PIEZO2: variants seen among roughly 807,000 people sequenced by gnomAD.
The protein encoded by PIEZO2 is piezo type mechanosensitive ion channel component 2.
In PIEZO2, 172 loss-of-function variants were observed where a neutral mutation model predicts 337.3. That is an observed-to-expected ratio of 0.51 (90% CI 0.45 to 0.58). The LOEUF (loss-of-function observed/expected upper bound fraction) is 0.58, where lower values mean the gene tolerates loss of function less well. Among genes scored for constraint, PIEZO2 ranks in the 20% least tolerant of loss-of-function variants. The pLI, the probability that PIEZO2 is intolerant of heterozygous loss-of-function variation, is 0.00. For synonymous variants in PIEZO2, 1,251 were observed against 1,228.5 expected, an observed-to-expected ratio of 1.02 and a Z score of -0.38; for missense variants, 3,028 against 3,391.3, an observed-to-expected ratio of 0.89 and a Z score of 2.66.
rs1363251883 is a variant in PIEZO2 at position 11,116,520 on chromosome 18, T to G, written c.64+32005A>C. Among the ~76,000 whole-genome samples, 1 of 151,128 alleles carries G rather than the reference T, an allele frequency of 6.6e-6. No homozygotes were observed. The highest frequency in any genetic ancestry group is 1.5e-5 in the Non-Finnish European group (1 of 67,854). ...CGATGTCAGGAGACAGAGACCATCC[T>G]GGCTAACACGGTGAAACCCCGTCTC... On this transcript the variant is annotated intron_variant, in intron 1 of 55. Transcript: ENST00000674853. The surrounding 1 kb of genome is among the most constrained non-coding windows in gnomAD (Gnocchi z 5.0).
intron 47 of PIEZO2, among the ~76,000 whole-genome samples, chr18:10,694,139 C>T (rs1230823859): frequency 6.6e-6 from 1 of 151,800 alleles, no homozygotes; most frequent in Non-Finnish European, 1.5e-5. Context: ...AAAATATCTG[C>T]ATTGTCACCA....
At chr18:10,919,034 T>G (rs2031211288) in intron 3 of PIEZO2, among the ~76,000 whole-genome samples, 1 of 152,074 alleles carries the variant, frequency 6.6e-6, no homozygotes, top group Non-Finnish European at 1.5e-5. Context: ...TATTCAAATA[T>G]ATGTGCTCAA....
intron 1 of PIEZO2, among the ~76,000 whole-genome samples, chr18:11,144,994 G>A (rs750551816): frequency 2.0e-5 from 3 of 152,134 alleles, no homozygotes; most frequent in Non-Finnish European, 2.9e-5. Flanking sequence ...ACCTAAAGAC[G>A]GGTGGTATAG....
At chr18:10,930,281 G>T (rs2032000780) in intron 3 of PIEZO2, among the ~76,000 whole-genome samples, 1 of 152,136 alleles carries the variant, frequency 6.6e-6, no homozygotes, top group African/African-American at 2.4e-5. Context: ...TCTGAAGCAA[G>T]CTACCTGGAG....
At chr18:11,067,022 C>A (rs1472864049) in intron 1 of PIEZO2, among the ~76,000 whole-genome samples, 1 of 152,080 alleles carries the variant, frequency 6.6e-6, no homozygotes, top group Non-Finnish European at 1.5e-5. Flanking sequence ...ATAGTAGATA[C>A]AAAGTAGACA....
chr18:11,020,875 A>C (rs2145710300), intron 2 of PIEZO2, among the ~76,000 whole-genome samples: 1 of 152,346 alleles, frequency 6.6e-6, no homozygotes, highest in South Asian at 2.1e-4. Context: ...TTTCACTTAA[A>C]GTTATTTCTT....
chr18:10,780,321 C>T lies in PIEZO2; in HGVS notation c.2534+4G>A, dbSNP rs1264777279. The T allele has an allele frequency of 5.7e-6, 4 of 702,562 alleles. No individual in the cohort carries two copies. Among genetic ancestry groups the T allele is most frequent in the Non-Finnish European group, 1.0e-5 (4 of 384,864 alleles). The allele number at this position is 702,562 out of a possible 1,614,324, so 43.5% of individuals were successfully genotyped here. ...AATAAGAGAGAAAACATTGAAGTACCCACCTATTTATTATTAGATATACGC... is the reference window on the plus strand; with the variant it reads ...AATAAGAGAGAAAACATTGAAGTACTCACCTATTTATTATTAGATATACGC... On this transcript the variant is annotated splice_donor_region_variant and intron_variant, in intron 18 of 55. Coordinates refer to ENST00000674853, the MANE Select transcript of PIEZO2 (RefSeq NM_001378183.1).
chr18:10,797,749 G>T (rs1206734151), intron 11 of PIEZO2, among the ~76,000 whole-genome samples: 1 of 152,188 alleles, frequency 6.6e-6, no homozygotes, highest in Non-Finnish European at 1.5e-5. Context: ...AAATTTCCAT[G>T]TAAGAAGATA....
chr18:10,822,839 G>A (rs1249253396), intron 7 of PIEZO2, among the ~76,000 whole-genome samples: 1 of 152,212 alleles, frequency 6.6e-6, no homozygotes, highest in Admixed American at 6.5e-5. Flanking sequence ...GTCTGCTACT[G>A]TGGATTAAAC....
At chr18:10,909,389 T>C (rs763955936) in intron 4 of PIEZO2, among the ~76,000 whole-genome samples, 30 of 152,062 alleles carry the variant, frequency 2.0e-4, no homozygotes, top group Admixed American at 5.2e-4. Flanking sequence ...GAAGTGATAA[T>C]GAGATGGAAT....
intron 2 of PIEZO2, among the ~76,000 whole-genome samples, chr18:10,989,178 G>A (rs932219261): frequency 2.0e-5 from 3 of 152,020 alleles, no homozygotes; most frequent in Admixed American, 2.0e-4. Flanking sequence ...TGGCGGCAAT[G>A]ATTTCATGGG....
At chr18:11,053,880 C>T (rs1281841399) in intron 2 of PIEZO2, among the ~76,000 whole-genome samples, 3 of 151,862 alleles carry the variant, frequency 2.0e-5, no homozygotes, top group African/African-American at 7.3e-5. Context: ...AAAAATTAGC[C>T]AGGGGTGGTG....
At position 10,945,094 on chromosome 18, in the gene PIEZO2, C is replaced by T. The variant is rs946236881; in HGVS notation, c.287-33866G>A. 1.3e-5 allele frequency among the ~76,000 whole-genome samples: 2 copies of T among 152,064 alleles called. No homozygotes were observed. Among genetic ancestry groups the T allele is most frequent in the Non-Finnish European group, 2.9e-5 (2 of 68,002 alleles). Reference sequence around the variant, plus strand: ...ATAGATTGCAGCACAGAAGAAGGGCCCCGGAGATCTGTGAATTCAGCCAAG... The same window carrying T: ...ATAGATTGCAGCACAGAAGAAGGGCTCCGGAGATCTGTGAATTCAGCCAAG... On this transcript the variant is annotated intron_variant, in intron 3 of 55. Coordinates refer to ENST00000674853, the MANE Select transcript of PIEZO2 (RefSeq NM_001378183.1). This position sits in a 1 kb window ranked among gnomAD's most constrained non-coding sequence, Gnocchi z 4.0.
intron 49 of PIEZO2, among the ~76,000 whole-genome samples, chr18:10,687,319 G>A (rs1051382877): frequency 1.3e-5 from 2 of 151,936 alleles, no homozygotes; most frequent in African/African-American, 4.8e-5. Flanking sequence ...GCCCCAGTGT[G>A]TGTTGTTCCA....
rs1366064853 is a variant in PIEZO2 at position 10,813,478 on chromosome 18, C to T, written c.918-6204G>A. Among the ~76,000 whole-genome samples, 1 of 152,138 alleles carries T rather than the reference C, an allele frequency of 6.6e-6. No individual in the cohort carries two copies. The highest frequency in any genetic ancestry group is 2.4e-5 in the African/African-American group (1 of 41,404). On this transcript the variant is annotated intron_variant, in intron 7 of 55. Coordinates refer to ENST00000674853, the MANE Select transcript of PIEZO2 (RefSeq NM_001378183.1). This position sits in a 1 kb window ranked among gnomAD's most constrained non-coding sequence, Gnocchi z 4.2. ...ATCTGTGAATTTGACTACCTGGTAC[C>T]TTATTTAGTGGAACCATCCAATATT...
At chr18:10,923,814 C>CA (rs5823123) in intron 3 of PIEZO2, among the ~76,000 whole-genome samples, 75,807 of 151,588 alleles carry the variant, frequency 0.5, 19,076 homozygotes, top group South Asian at 0.66. Flanking sequence ...ACTCTTGCAG[C>CA]AAATTAATTT....
At position 10,815,053 on chromosome 18, in the gene PIEZO2, G is replaced by A. The variant is rs932939754; in HGVS notation, c.918-7779C>T. ...TGCAGCAGCTTATAAAACTAATTGTGGGGAAAATGGCCAGGCACTAAAAAT... is the reference window on the plus strand; with the variant it reads ...TGCAGCAGCTTATAAAACTAATTGTAGGGAAAATGGCCAGGCACTAAAAAT... On this transcript the variant is annotated intron_variant, in intron 7 of 55. Coordinates refer to ENST00000674853, the MANE Select transcript of PIEZO2 (RefSeq NM_001378183.1). The surrounding 1 kb of genome is among the most constrained non-coding windows in gnomAD (Gnocchi z 4.1). Among the ~76,000 whole-genome samples, 1 of 152,136 alleles carries A rather than the reference G, an allele frequency of 6.6e-6. No individual in the cohort carries two copies. Among genetic ancestry groups the A allele is most frequent in the Non-Finnish European group, 1.5e-5 (1 of 68,022 alleles).
At chr18:10,921,029 G>T (rs903897284) in intron 3 of PIEZO2, among the ~76,000 whole-genome samples, 1 of 152,118 alleles carries the variant, frequency 6.6e-6, no homozygotes, top group Non-Finnish European at 1.5e-5. Context: ...CTCCAGCCTG[G>T]GCAACAAGGG....
chr18:10,908,442 C>G (rs2030156495), intron 4 of PIEZO2: 1 of 152,168 alleles, frequency 6.6e-6, no homozygotes, highest in Non-Finnish European at 1.5e-5. Context: ...CTCTAAAGAA[C>G]CAGATAGCTG....
Sources: gnomAD v4.1 joint callset for allele counts (sites outside exome capture counted in the v4.1 genomes callset) on GRCh38, gnomAD v4.1.1 for gene constraint, Gnocchi (gnomAD v3.1) non-coding constraint, MANE v1.5 for transcripts, NCBI Gene and HGNC (gene_info 2026-07-23, HGNC 2026-07-21) for gene names.